Variants in TMEM207 observed in about 807,000 individuals in gnomAD.
TMEM207 encodes the protein SRSR846.
A neutral mutation model predicts 17.4 loss-of-function variants in TMEM207; 15 were observed. The observed-to-expected ratio is 0.86, with a 90% CI of 0.58 to 1.33. The LOEUF (loss-of-function observed/expected upper bound fraction) is 1.33, where lower values mean the gene tolerates loss of function less well. Ranked by LOEUF, TMEM207 falls within the 40% of genes most tolerant of loss-of-function variation. The pLI is 0.00. For synonymous variants in TMEM207, 70 were observed against 65.6 expected (o/e 1.07, Z -0.33); for missense variants, 205 against 173.8 (o/e 1.18, Z -1.01).
intron 2 of TMEM207, among the ~76,000 whole-genome samples, chr3:190,447,569 G>T (rs542660328): frequency 2.0e-5 from 3 of 151,912 alleles, no homozygotes; most frequent in African/African-American, 4.8e-5. Context: ...AATCAACTAG[G>T]CCTCTTATTT....
chr3:190,430,457 AT>A (rs1349489257), intron 4 of TMEM207, among the ~76,000 whole-genome samples: 7 of 151,600 alleles, frequency 4.6e-5, no homozygotes, highest in South Asian at 4.1e-4. Context: ...ACACAAAAAA[AT>A]AATAGTGCTA....
At chr3:190,441,372 A>G (rs1014304648) in intron 3 of TMEM207, 66 bp downstream of exon 3, 5 of 1,307,126 alleles carry the variant, frequency 3.8e-6, no homozygotes, top group Non-Finnish European at 5.5e-6. Context: ...ACCATCTCAA[A>G]TTATTTAGGA....
At chr3:190,444,581 A>G (rs1720005609) in intron 2 of TMEM207, 1 of 352,800 alleles carries the variant, frequency 2.8e-6, no homozygotes, top group Non-Finnish European at 4.0e-6. Context: ...CAGTTTGTAA[A>G]CCGAATATAG....
At chr3:190,446,083 C>T (rs1282920535) in intron 2 of TMEM207, among the ~76,000 whole-genome samples, 3 of 152,088 alleles carry the variant, frequency 2.0e-5, no homozygotes, top group Admixed American at 6.6e-5. Context: ...TTGTGTTTCT[C>T]ATTTTTTAAA....
chr3:190,429,045 G>GA lies in TMEM207; in HGVS notation c.*549_*550insT, dbSNP rs370106456. ...TTGGGGCATAAAACCTCTTGTTTTT[G>GA]CTGAGACTTGTAATCTTTTCCTTTT... On this transcript the variant is annotated 3_prime_UTR_variant, in exon 5 of 5. Coordinates refer to ENST00000354905, the MANE Select transcript of TMEM207 (RefSeq NM_207316.3). The GA allele has an allele frequency of 0.32, 49,279 of 151,932 alleles. 10,258 individuals are homozygous for GA. The highest frequency in any genetic ancestry group is 0.6 in the African/African-American group (24,709 of 41,286). The allele number at this position is 151,932 out of a possible 1,614,324, so 9.4% of individuals were successfully genotyped here.
chr3:190,439,620 C>T (rs1451569903), intron 4 of TMEM207, among the ~76,000 whole-genome samples: 1 of 152,110 alleles, frequency 6.6e-6, no homozygotes, highest in Non-Finnish European at 1.5e-5. Flanking sequence ...CTGCAAATAA[C>T]TCTAAGCCCT....
At position 190,437,023 on chromosome 3, in the gene TMEM207, A is replaced by C. The variant is rs1036607083; in HGVS notation, c.304+3221T>G. ...TGAATTCAGCATAGGCACACACACA[A>C]AAAAAGATAAATAGGACAGAGTAAC... On this transcript the variant is annotated intron_variant, in intron 4 of 4. Transcript: ENST00000354905. Among the ~76,000 whole-genome samples, 9 of 152,298 alleles carry C rather than the reference A, an allele frequency of 5.9e-5. No individual in the cohort carries two copies. The South Asian group carries it at 6.2e-4, about 11-fold the overall frequency.
chr3:190,447,301 C>T (rs546769590), intron 2 of TMEM207, among the ~76,000 whole-genome samples: 10 of 152,118 alleles, frequency 6.6e-5, no homozygotes, highest in African/African-American at 2.2e-4. Context: ...TTAAGTCTAT[C>T]GCACAAAAAG....
chr3:190,429,769 T>A, intron 4 of TMEM207, 38 bp from the exon 5 acceptor site: 1 of 1,551,902 alleles, frequency 6.4e-7, no homozygotes, highest in South Asian at 1.2e-5. Flanking sequence ...ATCTTTCTAG[T>A]GAGCATAAAA....
chr3:190,437,484 C>A (rs115127911), intron 4 of TMEM207, among the ~76,000 whole-genome samples: 35 of 152,258 alleles, frequency 2.3e-4, no homozygotes, highest in Non-Finnish European at 4.7e-4. Context: ...TCTGAAAATC[C>A]GCAAATTACT....
chr3:190,431,426 C>T (rs1719689435), intron 4 of TMEM207, among the ~76,000 whole-genome samples: 2 of 151,884 alleles, frequency 1.3e-5, no homozygotes, highest in African/African-American at 4.8e-5. Flanking sequence ...TCAATCCATC[C>T]TCTTTTCATA....
At chr3:190,446,501 G>A (rs1302521795) in intron 2 of TMEM207, among the ~76,000 whole-genome samples, 1 of 56,462 alleles carries the variant, frequency 1.8e-5, no homozygotes, top group Non-Finnish European at 3.4e-5. Context: ...TTTCATTTGA[G>A]GGTTAATTTT....
At chr3:190,440,502 T>G in intron 3 of TMEM207, 113 bp from the exon 4 acceptor site, 1 of 845,846 alleles carries the variant, frequency 1.2e-6, no homozygotes, top group Non-Finnish European at 1.7e-6. Flanking sequence ...CCGCAAGCAA[T>G]GTGGGACACT....
rs756566206 is a variant in TMEM207 at position 190,449,715 on chromosome 3, C to G, written c.75+20G>C. ...TCAGAGTACCTCTGAAAACCTTAAC[C>G]CAGAAAGAGAGATAGTTACCTGGAA... On this transcript the variant is annotated intron_variant, in intron 1 of 4. Coordinates refer to ENST00000354905, the MANE Select transcript of TMEM207 (RefSeq NM_207316.3). The G allele has an allele frequency of 6.2e-7, 1 of 1,613,004 alleles. No homozygotes were observed. Among genetic ancestry groups the G allele is most frequent in the Non-Finnish European group, 8.5e-7 (1 of 1,179,176 alleles).
chr3:190,444,187 T>C (rs1443482512), intron 2 of TMEM207, among the ~76,000 whole-genome samples: 4 of 152,230 alleles, frequency 2.6e-5, no homozygotes, highest in Non-Finnish European at 5.9e-5. Context: ...ACCAGATGCG[T>C]AACTTCATGT....
chr3:190,440,816 C>G (rs1407914348), intron 3 of TMEM207, among the ~76,000 whole-genome samples: 1 of 152,194 alleles, frequency 6.6e-6, no homozygotes, highest in Non-Finnish European at 1.5e-5. Flanking sequence ...AGCCTGTAAT[C>G]CCAGCACTTT....
chr3:190,448,037 T>C (rs1720088227), intron 1 of TMEM207, among the ~76,000 whole-genome samples: 1 of 152,228 alleles, frequency 6.6e-6, no homozygotes, highest in African/African-American at 2.4e-5. Context: ...AGAAGATATA[T>C]ATTGTGAACC....
intron 3 of TMEM207, 122 bp downstream of exon 3, chr3:190,441,316 C>A (rs1719932376): frequency 6.7e-6 from 5 of 749,412 alleles, no homozygotes; most frequent in Non-Finnish European, 1.1e-5. Context: ...TTTCTATATT[C>A]ATTTGCATGA....
At chr3:190,445,062 C>T (rs1305544007) in intron 2 of TMEM207, among the ~76,000 whole-genome samples, 1 of 152,090 alleles carries the variant, frequency 6.6e-6, no homozygotes, top group Non-Finnish European at 1.5e-5. Context: ...TACAATATAA[C>T]TTTGTGGTTG....
Sources: gnomAD v4.1 joint callset for allele counts (sites outside exome capture counted in the v4.1 genomes callset) on GRCh38, gnomAD v4.1.1 for gene constraint, MANE v1.5 for transcripts, NCBI Gene and HGNC (gene_info 2026-07-23, HGNC 2026-07-21) for gene names.